ASTN2: variants seen among roughly 807,000 people sequenced by gnomAD.
The protein encoded by ASTN2 is astrotactin 2, also known as astrotactin-2.
ASTN2 carries 54 observed loss-of-function variants against 139.8 expected under a neutral mutation model. The ratio of observed to expected loss-of-function variants is 0.39; its 90% CI spans 0.31 to 0.48. The LOEUF (loss-of-function observed/expected upper bound fraction) is 0.48. Ranked by LOEUF, ASTN2 falls within the 20% of genes least tolerant of loss-of-function variation. The pLI is 0.95. For synonymous variants in ASTN2, 756 were observed against 719.5 expected (o/e 1.05, Z -0.81); for missense variants, 1,565 against 1,725.1 (o/e 0.91, Z 1.64).
intron 10 of ASTN2, among the ~76,000 whole-genome samples, chr9:116,942,686 G>T (rs1835274575): frequency 6.6e-6 from 1 of 152,202 alleles, no homozygotes. Flanking sequence ...TGTCCTTTCT[G>T]CATATAAGGA....
chr9:116,853,379 C>T (rs965428737), intron 11 of ASTN2, among the ~76,000 whole-genome samples: 24 of 152,280 alleles, frequency 1.6e-4, no homozygotes, highest in Non-Finnish European at 3.4e-4. Context: ...ATTATTCCAG[C>T]TTTTCGTTTC....
At chr9:117,075,816 T>G (rs1375604945) in intron 5 of ASTN2, among the ~76,000 whole-genome samples, 1 of 152,202 alleles carries the variant, frequency 6.6e-6, no homozygotes, top group Non-Finnish European at 1.5e-5. Flanking sequence ...CTCAGTCAAG[T>G]TGCTTTTCCT....
intron 4 of ASTN2, among the ~76,000 whole-genome samples, chr9:117,105,644 C>A (rs1829084400): frequency 6.6e-6 from 1 of 151,884 alleles, no homozygotes; most frequent in African/African-American, 2.4e-5. Context: ...CATAGGTAAA[C>A]AGAACACTCC....
chr9:116,559,100 A>G (rs1301582130), intron 19 of ASTN2, among the ~76,000 whole-genome samples: 1 of 152,186 alleles, frequency 6.6e-6, no homozygotes, highest in Non-Finnish European at 1.5e-5. Flanking sequence ...GCAATGACAA[A>G]GGAACTTGCC....
At chr9:117,205,579 C>A (rs962877801) in intron 3 of ASTN2, among the ~76,000 whole-genome samples, 7 of 151,884 alleles carry the variant, frequency 4.6e-5, no homozygotes, top group African/African-American at 1.2e-4. Flanking sequence ...GAAAAAAAAA[C>A]CTACTTTTTA....
chr9:117,209,476 T>A (rs959178818), intron 3 of ASTN2, among the ~76,000 whole-genome samples: 2 of 152,022 alleles, frequency 1.3e-5, no homozygotes, highest in Admixed American at 6.5e-5. Context: ...TATATGATAA[T>A]AAAGAGATCA....
intron 15 of ASTN2, 152 bp downstream of exon 15, chr9:116,728,840 C>T (rs780784712): frequency 5.2e-5 from 33 of 636,638 alleles, no homozygotes; most frequent in Admixed American, 3.4e-4. Flanking sequence ...CCTGTCCACC[C>T]ACCCTCCCTA....
chr9:116,978,746 G>C (rs1357879835), intron 7 of ASTN2, among the ~76,000 whole-genome samples: 5 of 151,692 alleles, frequency 3.3e-5, no homozygotes, highest in Admixed American at 3.3e-4. Flanking sequence ...GGATACTGAA[G>C]AAAGTATCAG....
chr9:116,889,365 TA>T (rs1433108406), intron 10 of ASTN2, among the ~76,000 whole-genome samples: 1 of 152,146 alleles, frequency 6.6e-6, no homozygotes, highest in Non-Finnish European at 1.5e-5. Flanking sequence ...CCAGCTGAAT[TA>T]TCACCTCCTC....
chr9:117,141,728 T>A (rs1014820863), intron 3 of ASTN2, among the ~76,000 whole-genome samples: 7 of 152,236 alleles, frequency 4.6e-5, no homozygotes, highest in African/African-American at 1.2e-4. Flanking sequence ...GGTACTGCTC[T>A]AGGCCCTTGA....
At chr9:117,357,503 T>C (rs892631890) in intron 1 of ASTN2, among the ~76,000 whole-genome samples, 4 of 151,934 alleles carry the variant, frequency 2.6e-5, no homozygotes, top group Admixed American at 2.0e-4. Context: ...GGAGTTTCCA[T>C]GGGCACAGCA....
chr9:116,530,941 C>A (rs1851315480), intron 19 of ASTN2, among the ~76,000 whole-genome samples: 1 of 152,088 alleles, frequency 6.6e-6, no homozygotes, highest in Non-Finnish European at 1.5e-5. Flanking sequence ...TGACATGCAA[C>A]TGGCACTAAA....
chr9:117,039,824 G>A lies in ASTN2; in HGVS notation c.1418C>T (p.Ala473Val). The change falls in exon 6 of 23, where the codon GCA becomes GTA. Residue 473 changes from alanine to valine, a missense_variant. This residue lies in a region of ASTN2 where 503 missense variants were observed against 591.7 expected (regional missense o/e 0.85). Transcript: ENST00000313400. ...CTGCAATGCTCGGCTCTTACCATCT[G>A]CTATGAAGTGCTCGGGCACATGCAG... ...VTLHVPEHFI[A>V]DGSSFVVSEG... 6.2e-7 allele frequency: 1 copy of A among 1,613,262 alleles called. No individual in the cohort carries two copies. Among genetic ancestry groups the A allele is most frequent in the East Asian group, 2.2e-5 (1 of 44,758 alleles).
chr9:116,628,977 G>A (rs1426894855), intron 17 of ASTN2, among the ~76,000 whole-genome samples: 1 of 152,188 alleles, frequency 6.6e-6, no homozygotes, highest in African/African-American at 2.4e-5. Context: ...AAGAAAGAGA[G>A]GAGTGGGATG....
chr9:116,837,423 G>C (rs960021013), intron 11 of ASTN2, among the ~76,000 whole-genome samples: 1 of 152,142 alleles, frequency 6.6e-6, no homozygotes, highest in South Asian at 2.1e-4. Context: ...AGCGGGGAGG[G>C]AGAGGAAGAT....
intron 14 of ASTN2, among the ~76,000 whole-genome samples, chr9:116,731,539 C>T (rs1218815521): frequency 1.3e-5 from 2 of 152,072 alleles, no homozygotes; most frequent in African/African-American, 2.4e-5. Context: ...TCTCCTGCCT[C>T]GGCCTCTTGA....
In ASTN2 at chr9:116,699,321, G is replaced by A. The variant is rs368901621; in HGVS notation, c.2806+26450C>T. ...TGTCACCTGTGATGCTGAGGGCACC[G>A]TCTACTTCACCCAGGGCTTAGGCCT... On this transcript the variant is annotated intron_variant, in intron 16 of 22. Transcript: ENST00000313400. The surrounding 1 kb of genome is among the most constrained non-coding windows in gnomAD (Gnocchi z 4.2). 20 of 1,614,066 alleles carry A rather than the reference G, an allele frequency of 1.2e-5. No homozygotes were observed. Among genetic ancestry groups the A allele is most frequent in the Admixed American group, 5.0e-5 (3 of 60,004 alleles).
intron 16 of ASTN2, among the ~76,000 whole-genome samples, chr9:116,712,109 A>G (rs1828180061): frequency 6.6e-6 from 1 of 152,148 alleles, no homozygotes; most frequent in African/African-American, 2.4e-5. Context: ...GGTTTATCTT[A>G]CCACCACTTC....
chr9:117,309,141 C>A (rs1297891834), intron 1 of ASTN2, among the ~76,000 whole-genome samples: 1 of 152,212 alleles, frequency 6.6e-6, no homozygotes, highest in Non-Finnish European at 1.5e-5. Flanking sequence ...ACGTTTGGCT[C>A]AGAGAAGTGC....
Sources: allele counts gnomAD v4.1 joint callset (sites outside exome capture counted in the v4.1 genomes callset), GRCh38; gene constraint gnomAD v4.1.1; regional missense constraint gnomAD v4.1.1; non-coding constraint Gnocchi (gnomAD v3.1); transcripts MANE v1.5; gene names NCBI Gene and HGNC (gene_info 2026-07-23, HGNC 2026-07-21).